DMD: variants seen among roughly 807,000 people sequenced by gnomAD.
The protein encoded by DMD is mutant dystrophin.
A neutral mutation model predicts 330.1 loss-of-function variants in DMD; 63 were observed. The observed-to-expected ratio is 0.19, with a 90% CI of 0.16 to 0.24. DMD has a LOEUF of 0.24. Among genes scored for constraint, DMD ranks in the 10% least tolerant of loss-of-function variants. The pLI, the probability that DMD is intolerant of heterozygous loss-of-function variation, is 1.00. For synonymous variants in DMD, 1,223 were observed against 959.8 expected (o/e 1.27, Z -5.07); for missense variants, 3,344 against 2,684.1 (o/e 1.25, Z -5.43).
At chrX:32,162,691 C>T (rs977430494) in intron 44 of DMD, among the ~76,000 whole-genome samples, 3 of 104,024 alleles carry the variant, frequency 2.9e-5, no homozygotes, top group African/African-American at 1.1e-4. Flanking sequence ...CTGCCTCAGC[C>T]TCCCAAGTAC....
At chrX:33,168,212 G>A (rs900004693) in intron 1 of DMD, among the ~76,000 whole-genome samples, 4 of 110,892 alleles carry the variant, frequency 3.6e-5, no homozygotes, top group African/African-American at 1.3e-4. Context: ...GTAAAATCAC[G>A]TTTATGGCTA....
intron 7 of DMD, among the ~76,000 whole-genome samples, chrX:32,700,106 CTT>C (rs2147619033): frequency 8.9e-6 from 1 of 111,806 alleles, no homozygotes; most frequent in South Asian, 3.7e-4. Context: ...TTAAAATTTA[CTT>C]ACTGCACTCA....
intron 60 of DMD, among the ~76,000 whole-genome samples, chrX:31,396,511 C>G (rs1458655362): frequency 9.3e-6 from 1 of 107,651 alleles, no homozygotes; most frequent in Non-Finnish European, 1.9e-5. Context: ...TGATCTCACC[C>G]ATACGTCAAT....
chrX:32,148,329 G>A (rs1031510437), intron 44 of DMD, among the ~76,000 whole-genome samples: 15 of 111,505 alleles, frequency 1.3e-4, no homozygotes, highest in African/African-American at 4.2e-4. Context: ...AAGATATTAT[G>A]TTAGTAATAA....
At chrX:31,760,622 T>C (rs769787612) in intron 51 of DMD, among the ~76,000 whole-genome samples, 355 of 111,613 alleles carry the variant, frequency 3.2e-3, no homozygotes, top group South Asian at 0.018. Flanking sequence ...TTTGTGTAAG[T>C]ACACTGTATG....
intron 30 of DMD, among the ~76,000 whole-genome samples, chrX:32,408,989 G>A (rs769030617): frequency 6.5e-5 from 7 of 108,523 alleles, no homozygotes; most frequent in African/African-American, 2.3e-4. Flanking sequence ...GGCATTCTTA[G>A]TGGATCCTTC....
chrX:31,122,326 A>ATTAC (rs113258646), intron 78 of DMD, among the ~76,000 whole-genome samples: 264 of 111,661 alleles, frequency 2.4e-3, no homozygotes, highest in African/African-American at 8.1e-3. Flanking sequence ...TGATTGATTG[A>ATTAC]TTACTTACTC....
intron 1 of DMD, among the ~76,000 whole-genome samples, chrX:33,245,802 A>C (rs1221981896): frequency 8.9e-6 from 1 of 112,297 alleles, no homozygotes; most frequent in Non-Finnish European, 1.9e-5. Flanking sequence ...AACTGAACAT[A>C]TTTTTGTAAT....
At chrX:32,278,737 C>G (rs1256423700) in intron 43 of DMD, among the ~76,000 whole-genome samples, 4 of 112,044 alleles carry the variant, frequency 3.6e-5, no homozygotes, top group Admixed American at 9.5e-5. Context: ...TGGAGAAACT[C>G]TCCAGGATAT....
intron 7 of DMD, among the ~76,000 whole-genome samples, chrX:32,725,934 G>T (rs986717255): frequency 1.8e-5 from 2 of 110,780 alleles, no homozygotes; most frequent in Non-Finnish European, 3.8e-5. Flanking sequence ...AGTATCTCAT[G>T]TACTGTCTCT....
chrX:32,395,622 A>G (rs1220885790), intron 30 of DMD, among the ~76,000 whole-genome samples: 1 of 111,907 alleles, frequency 8.9e-6, no homozygotes, highest in Non-Finnish European at 1.9e-5. Flanking sequence ...TCAGAAAGAT[A>G]AATATTAATA....
At chrX:32,300,474 A>C (rs2097518291) in intron 42 of DMD, among the ~76,000 whole-genome samples, 1 of 111,401 alleles carries the variant, frequency 9.0e-6, no homozygotes, top group Non-Finnish European at 1.9e-5. Flanking sequence ...CAAGAACAAA[A>C]AGAACAACAA....
At chrX:32,092,724 C>CTTTTTTTTTTTTTTTTTTT (rs11315047) in intron 44 of DMD, among the ~76,000 whole-genome samples, 4 of 39,796 alleles carry the variant, frequency 1.0e-4, no homozygotes, top group African/African-American at 4.4e-4. Flanking sequence ...GTTATTTTCA[C>CTTTTTTTTTTTTTTTTTTT]TTTTTTTTTT....
At chrX:32,379,100 A>G (rs947939682) in intron 34 of DMD, among the ~76,000 whole-genome samples, 5 of 110,572 alleles carry the variant, frequency 4.5e-5, no homozygotes, top group African/African-American at 1.3e-4. Context: ...TTGACAACTA[A>G]GAGATTTTAG....
chrX:31,616,512 G>C (rs1289454563), intron 55 of DMD, among the ~76,000 whole-genome samples: 3 of 111,488 alleles, frequency 2.7e-5, no homozygotes, highest in Non-Finnish European at 5.7e-5. Flanking sequence ...ATTCTGAAGG[G>C]CTTTGAAGTC....
chrX:33,096,753 G>A (rs1224811782), intron 1 of DMD, among the ~76,000 whole-genome samples: 1 of 111,398 alleles, frequency 9.0e-6, no homozygotes, highest in Non-Finnish European at 1.9e-5. Context: ...CGATTTACTC[G>A]CCTCAGCCTC....
chrX:31,247,522 C>T (rs907969197), intron 63 of DMD, among the ~76,000 whole-genome samples: 30 of 107,339 alleles, frequency 2.8e-4, no homozygotes, highest in Admixed American at 1.0e-4. Context: ...ATCACTTGAA[C>T]CCAGGAAGGC....
intron 51 of DMD, among the ~76,000 whole-genome samples, chrX:31,755,942 A>T (rs1020490274): frequency 8.9e-6 from 1 of 112,106 alleles, no homozygotes; most frequent in Non-Finnish European, 1.9e-5. Context: ...GTTATGAAAT[A>T]AAAAGGCTGG....
intron 44 of DMD, among the ~76,000 whole-genome samples, chrX:32,077,271 T>A (rs1485554849): frequency 9.0e-6 from 1 of 110,657 alleles, no homozygotes; most frequent in African/African-American, 3.3e-5. Flanking sequence ...AGCTGCACCT[T>A]TATATTAGGC....
Sources: allele counts gnomAD v4.1 joint callset (sites outside exome capture counted in the v4.1 genomes callset), GRCh38; gene constraint gnomAD v4.1.1; transcripts MANE v1.5; gene names NCBI Gene and HGNC (gene_info 2026-07-23, HGNC 2026-07-21).